The following MIER1 variants were observed in gnomAD, a reference collection of about 807,000 sequenced individuals.
MIER1 encodes mesoderm induction early response protein 1.
MIER1 carries 40 observed loss-of-function variants against 75.7 expected under a neutral mutation model. That is an observed-to-expected ratio of 0.53 (90% CI 0.41 to 0.69). The LOEUF (loss-of-function observed/expected upper bound fraction) is 0.69. Ranked by LOEUF, MIER1 falls within the 30% of genes least tolerant of loss-of-function variation. The probability of loss-of-function intolerance (pLI) is 0.00; values close to 1 mark genes in which losing one functional copy is unlikely to be tolerated. For synonymous variants in MIER1, 213 were observed against 223.4 expected (o/e 0.95, Z 0.42); for missense variants, 574 against 680.2 (o/e 0.84, Z 1.74).
chr1:66,941,842 T>A (rs1470893939), intron 3 of MIER1, among the ~76,000 whole-genome samples: 1 of 152,038 alleles, frequency 6.6e-6, no homozygotes, highest in African/African-American at 2.4e-5. Flanking sequence ...TGGTGGCACA[T>A]GCTTGTAATC....
intron 4 of MIER1, among the ~76,000 whole-genome samples, chr1:66,949,264 TA>T (rs1171525504): frequency 1.3e-5 from 2 of 152,280 alleles, no homozygotes; most frequent in Admixed American, 6.5e-5. Context: ...ATGAGTTAGT[TA>T]TTTTTTTTCT....
Position 66,985,402 on chromosome 1 carries a change from A to G in MIER1, c.*502A>G. Reference sequence around the variant, plus strand: ...AACAGTTTGAGTATCTTTATTAAGGAAACCCTTACGAATCCTGAAAATTAT... The same window carrying G: ...AACAGTTTGAGTATCTTTATTAAGGGAACCCTTACGAATCCTGAAAATTAT... On this transcript the variant is annotated 3_prime_UTR_variant, in exon 14 of 14. Transcript: ENST00000401041. 2.0e-6 allele frequency: 2 copies of G among 983,412 alleles called. No individual in the cohort carries two copies. Among genetic ancestry groups the G allele is most frequent in the Non-Finnish European group, 2.4e-6 (2 of 827,960 alleles). 60.9% of individuals were successfully genotyped at this position (983,412 alleles called of 1,614,324 possible). A position where few individuals can be genotyped will look rare whatever the true frequency, so the allele number is the denominator to read the frequency against.
intron 2 of MIER1, among the ~76,000 whole-genome samples, chr1:66,939,529 A>T (rs1275042327): frequency 2.0e-5 from 3 of 152,134 alleles, no homozygotes; most frequent in Non-Finnish European, 2.9e-5. Flanking sequence ...TTGGTGCTTA[A>T]ACAGAATTTT....
intron 9 of MIER1, 96 bp from the exon 10 acceptor site, chr1:66,971,557 AAG>A (rs1663615427): frequency 1.5e-6 from 1 of 649,164 alleles, no homozygotes; most frequent in Non-Finnish European, 2.7e-6. Context: ...TGCCCTCAAA[AAG>A]GATGAAAACA....
intron 3 of MIER1, among the ~76,000 whole-genome samples, chr1:66,944,374 G>C (rs1323521130): frequency 6.6e-6 from 1 of 150,590 alleles, no homozygotes; most frequent in African/African-American, 2.4e-5. Context: ...TGCAAATCTA[G>C]GTCCACATTG....
intron 12 of MIER1, among the ~76,000 whole-genome samples, chr1:66,978,076 GTC>G (rs1375482373): frequency 6.6e-6 from 1 of 151,668 alleles, no homozygotes; most frequent in Non-Finnish European, 1.5e-5. Flanking sequence ...CACGCCTATA[GTC>G]TCAGCTACTC....
rs189870620 is a variant in MIER1, at chr1:66,946,704, C to T, written c.339+409C>T. The T allele has an allele frequency of 1.9e-5, 19 of 987,178 alleles. No homozygotes were observed. The East Asian group carries it at 1.6e-3, about 82-fold the overall frequency. The allele number at this position is 987,178 out of a possible 1,614,324, so 61.2% of individuals were successfully genotyped here. On this transcript the variant is annotated intron_variant, in intron 4 of 13. Coordinates refer to ENST00000401041, the MANE Select transcript of MIER1 (RefSeq NM_001077700.3). ...CACTACATAAAGTGCTCTAGATTAT[C>T]TCCACTACATAAAGTGCTCTAGATT...
intron 2 of MIER1, among the ~76,000 whole-genome samples, chr1:66,931,752 G>A (rs1570061390): frequency 1.3e-5 from 2 of 152,024 alleles, no homozygotes; most frequent in Non-Finnish European, 2.9e-5. Context: ...ACTGAGAATC[G>A]GTACCTGGAT....
At chr1:66,963,253 C>CAG (rs1661618398) in intron 8 of MIER1, 93 bp downstream of exon 8, 1 of 784,426 alleles carries the variant, frequency 1.3e-6, no homozygotes, top group African/African-American at 1.7e-5. Context: ...ACATGACAGC[C>CAG]TACTAAGTAA....
rs1365211955 is a variant in MIER1, at chr1:66,986,334, T to C, written c.*1434T>C. ...ATTCTTGTTAAATAATGTAGTTTTATATAGCTGATAGACCAACCTATATCC... is the reference window on the plus strand; with the variant it reads ...ATTCTTGTTAAATAATGTAGTTTTACATAGCTGATAGACCAACCTATATCC... On this transcript the variant is annotated 3_prime_UTR_variant, in exon 14 of 14. Coordinates refer to ENST00000401041, the MANE Select transcript of MIER1 (RefSeq NM_001077700.3). 14 of 1,561,354 alleles carry C rather than the reference T, an allele frequency of 9.0e-6. No individual in the cohort carries two copies. In the Admixed American group the frequency reaches 2.1e-4, roughly 24 times the overall value.
At chr1:66,980,455 C>T (rs1300654974) in intron 12 of MIER1, among the ~76,000 whole-genome samples, 1 of 152,156 alleles carries the variant, frequency 6.6e-6, no homozygotes, top group Non-Finnish European at 1.5e-5. Flanking sequence ...TCAGGTATCA[C>T]ATCCCTATAT....
At chr1:66,946,630 T>C in intron 4 of MIER1, 2 of 1,004,052 alleles carry the variant, frequency 2.0e-6, no homozygotes, top group Non-Finnish European at 2.4e-6. Context: ...CCATATCTTT[T>C]ACTTATTCTC....
At chr1:66,943,644 C>T (rs1570199219) in intron 3 of MIER1, among the ~76,000 whole-genome samples, 1 of 151,894 alleles carries the variant, frequency 6.6e-6, no homozygotes, top group Non-Finnish European at 1.5e-5. Context: ...TGTCCTGAAC[C>T]CCTGAGCTCA....
chr1:66,969,900 A>G (rs1429839196), intron 8 of MIER1, among the ~76,000 whole-genome samples: 1 of 152,200 alleles, frequency 6.6e-6, no homozygotes, highest in Non-Finnish European at 1.5e-5. Context: ...GAAAGTTCTC[A>G]CAACATTCAC....
chr1:66,973,099 A>C, intron 11 of MIER1, 108 bp downstream of exon 11: 1 of 610,836 alleles, frequency 1.6e-6, no homozygotes, highest in Non-Finnish European at 2.9e-6. Context: ...TTCATAATTA[A>C]TATGACAATA....
Position 66,986,220 on chromosome 1 carries a change from A to T in MIER1, c.*1320A>T. The T allele has an allele frequency of 7.9e-7, 1 of 1,267,522 alleles. No individual in the cohort carries two copies. Among genetic ancestry groups the T allele is most frequent in the Non-Finnish European group, 9.9e-7 (1 of 1,007,882 alleles). The allele number at this position is 1,267,522 out of a possible 1,614,324, so 78.5% of individuals were successfully genotyped here. On this transcript the variant is annotated 3_prime_UTR_variant, in exon 14 of 14. Transcript: ENST00000401041. ...AATGCTTTTCCAAAGTGAAAATAAG[A>T]TACACAATAATCATTGCTCTGTGTG... is the stretch of plus-strand genomic sequence containing the variant.
chr1:66,963,539 A>G (rs573141577), intron 8 of MIER1, among the ~76,000 whole-genome samples: 1 of 152,328 alleles, frequency 6.6e-6, no homozygotes, highest in South Asian at 2.1e-4. Context: ...ATAAAAACAA[A>G]CGAGAGTAAA....
intron 3 of MIER1, among the ~76,000 whole-genome samples, chr1:66,942,422 T>G (rs1478797058): frequency 6.6e-6 from 1 of 152,168 alleles, no homozygotes; most frequent in Non-Finnish European, 1.5e-5. Context: ...AAAAAGTGAT[T>G]AAATGAGTAG....
At chr1:66,975,399 C>G (rs1664498209) in intron 11 of MIER1, among the ~76,000 whole-genome samples, 1 of 151,700 alleles carries the variant, frequency 6.6e-6, no homozygotes, top group Non-Finnish European at 1.5e-5. Flanking sequence ...TGGTGGCATG[C>G]AATTGTGGTC....
Sources: gnomAD v4.1 joint callset for allele counts (sites outside exome capture counted in the v4.1 genomes callset) on GRCh38, gnomAD v4.1.1 for gene constraint, MANE v1.5 for transcripts, NCBI Gene and HGNC (gene_info 2026-07-23, HGNC 2026-07-21) for gene names.